Variants in EYA4 observed in about 807,000 individuals in gnomAD.
EYA4 encodes protein phosphatase EYA4.
EYA4 carries 31 observed loss-of-function variants against 87.9 expected under a neutral mutation model. That is an observed-to-expected ratio of 0.35 (90% CI 0.27 to 0.48). The LOEUF (loss-of-function observed/expected upper bound fraction) is 0.48. Among genes scored for constraint, EYA4 ranks in the 20% least tolerant of loss-of-function variants. EYA4 has a pLI of 0.99. For missense variants in EYA4, 678 were observed against 761.4 expected (o/e 0.89, Z 1.29); for synonymous variants, 263 against 270.6 (o/e 0.97, Z 0.28).
chr6:133,502,082 T>A (rs926852548), intron 13 of EYA4, among the ~76,000 whole-genome samples: 1 of 151,924 alleles, frequency 6.6e-6, no homozygotes, highest in Non-Finnish European at 1.5e-5. Flanking sequence ...ACTCTCTCTC[T>A]CTCTCTATTC....
intron 17 of EYA4, among the ~76,000 whole-genome samples, chr6:133,516,116 G>A (rs763167992): frequency 8.5e-5 from 13 of 152,104 alleles, no homozygotes; most frequent in African/African-American, 1.2e-4. Context: ...TGTACTGTCC[G>A]CTTCCATTAT....
intron 2 of EYA4, among the ~76,000 whole-genome samples, chr6:133,332,991 C>G (rs62428663): frequency 0.1 from 15,453 of 152,136 alleles, 979 homozygotes; most frequent in East Asian, 0.15. Flanking sequence ...GAAGCCTTCC[C>G]AGATTCCCAG....
Position 133,391,842 on chromosome 6 carries a change from C to T in EYA4, c.83+9401C>T, listed in dbSNP as rs370304325. Among the ~76,000 whole-genome samples, 9 of 152,222 alleles carry T rather than the reference C, an allele frequency of 5.9e-5. 1 individual carries two copies. The highest frequency in any genetic ancestry group is 3.9e-4 in the East Asian group (2 of 5,170). ...CTTCCCTTCCCAGGACATTTTTAAC[C>T]TGCCAGTTTTATCCAGCACCTACCC... On this transcript the variant is annotated intron_variant, in intron 3 of 19. Coordinates refer to ENST00000355286, the MANE Select transcript of EYA4 (RefSeq NM_004100.5).
At chr6:133,519,064 C>A (rs948346320) in intron 17 of EYA4, among the ~76,000 whole-genome samples, 1 of 151,516 alleles carries the variant, frequency 6.6e-6, no homozygotes, top group Non-Finnish European at 1.5e-5. Context: ...AAAATTGACA[C>A]CCTAACATCG....
intron 1 of EYA4, among the ~76,000 whole-genome samples, chr6:133,263,943 A>T (rs1775997638): frequency 6.6e-6 from 1 of 152,220 alleles, no homozygotes; most frequent in South Asian, 2.1e-4. Context: ...AAGTTTTGGC[A>T]GCTGCAATTT....
chr6:133,251,787 A>G (rs762248907), intron 1 of EYA4, among the ~76,000 whole-genome samples: 3 of 152,082 alleles, frequency 2.0e-5, no homozygotes, highest in Non-Finnish European at 4.4e-5. Context: ...CTTCTTGAGA[A>G]CCCATAACCT....
chr6:133,433,629 C>T (rs565347469), intron 3 of EYA4, among the ~76,000 whole-genome samples: 13 of 152,326 alleles, frequency 8.5e-5, no homozygotes, highest in Non-Finnish European at 1.5e-4. Context: ...GCTGGGATTA[C>T]AGGCGTGAGC....
chr6:133,382,452 A>G lies in EYA4; in HGVS notation c.83+11A>G. ...ATCTCAGAATTCCAGGTACAGTAAA[A>G]TAAAGACCAAGACTCCCCTAAGGAG... On this transcript the variant is annotated intron_variant, in intron 3 of 19. Transcript: ENST00000355286. 1 of 1,596,638 alleles carries G rather than the reference A, an allele frequency of 6.3e-7. No individual in the cohort carries two copies. The highest frequency in any genetic ancestry group is 8.6e-7 in the Non-Finnish European group (1 of 1,164,182).
At chr6:133,369,446 T>C (rs547241017) in intron 2 of EYA4, among the ~76,000 whole-genome samples, 20 of 152,282 alleles carry the variant, frequency 1.3e-4, no homozygotes, top group Non-Finnish European at 2.4e-4. Context: ...TATAATTGTG[T>C]TCATCCCTTC....
intron 5 of EYA4, among the ~76,000 whole-genome samples, chr6:133,454,874 A>C (rs537084991): frequency 4.8e-4 from 73 of 152,198 alleles, no homozygotes; most frequent in African/African-American, 1.7e-3. Flanking sequence ...TCATGAGCAT[A>C]AGCTATTTTC....
rs116179714 is a variant in EYA4, at chr6:133,455,831, A to C, written c.278-725A>C. On this transcript the variant is annotated intron_variant, in intron 5 of 19. Coordinates refer to ENST00000355286, the MANE Select transcript of EYA4 (RefSeq NM_004100.5). ...TCTCACGCCCCATCACCCTTGTTGC[A>C]TCTAATAATGATAATAATGTGTACT... 7.5e-3 allele frequency among the ~76,000 whole-genome samples: 1,146 copies of C among 152,270 alleles called. 22 individuals carry two copies. Among genetic ancestry groups the C allele is most frequent in the African/African-American group, 0.026 (1,095 of 41,556 alleles).
At chr6:133,294,374 G>GTT (rs1404852396) in intron 2 of EYA4, among the ~76,000 whole-genome samples, 3 of 129,022 alleles carry the variant, frequency 2.3e-5, no homozygotes, top group African/African-American at 2.9e-5. Flanking sequence ...TGTTTTTTTT[G>GTT]TTTTTTTTTT....
chr6:133,343,448 C>T (rs1782948285), intron 2 of EYA4, among the ~76,000 whole-genome samples: 1 of 152,112 alleles, frequency 6.6e-6, no homozygotes, highest in Non-Finnish European at 1.5e-5. Context: ...AACTCAGCTT[C>T]ACCTGCTATC....
At chr6:133,355,638 C>G (rs554370519) in intron 2 of EYA4, among the ~76,000 whole-genome samples, 1 of 152,084 alleles carries the variant, frequency 6.6e-6, no homozygotes, top group Non-Finnish European at 1.5e-5. Flanking sequence ...ATGGCTTGTC[C>G]TCATTGATTG....
intron 2 of EYA4, among the ~76,000 whole-genome samples, chr6:133,372,573 C>T (rs1583091850): frequency 1.3e-5 from 2 of 150,786 alleles, no homozygotes; most frequent in South Asian, 2.1e-4. Flanking sequence ...GCTATAAATA[C>T]ATTTTTTTTT....
chr6:133,355,988 C>G (rs551485817), intron 2 of EYA4, among the ~76,000 whole-genome samples: 96 of 150,782 alleles, frequency 6.4e-4, no homozygotes, highest in South Asian at 2.1e-4. Context: ...TGATCAATTT[C>G]TGGTGAGGGC....
intron 1 of EYA4, among the ~76,000 whole-genome samples, chr6:133,255,684 A>G (rs886430061): frequency 6.6e-6 from 1 of 152,058 alleles, no homozygotes; most frequent in African/African-American, 2.4e-5. Flanking sequence ...TAACTCCAAT[A>G]GGATCATTGA....
intron 3 of EYA4, among the ~76,000 whole-genome samples, chr6:133,417,081 G>A (rs1380067854): frequency 6.6e-6 from 1 of 152,152 alleles, no homozygotes; most frequent in Non-Finnish European, 1.5e-5. Context: ...TTGCAATGAT[G>A]TTTTTGATGT....
rs555273014 is a variant in EYA4 at position 133,267,619 on chromosome 6, G to A, written c.-65-7097G>A. Reference sequence around the variant, plus strand: ...GCTGGTCTCGAACTCCTGACCTCAGGTGATCCGCCCACCTCGGCCTCCCAA... The same window carrying A: ...GCTGGTCTCGAACTCCTGACCTCAGATGATCCGCCCACCTCGGCCTCCCAA... On this transcript the variant is annotated intron_variant, in intron 1 of 19. Coordinates refer to ENST00000355286, the MANE Select transcript of EYA4 (RefSeq NM_004100.5). Among the ~76,000 whole-genome samples the A allele has an allele frequency of 4.7e-4, 72 of 152,252 alleles. 1 individual carries two copies. Among genetic ancestry groups the A allele is most frequent in the African/African-American group, 1.6e-3 (67 of 41,544 alleles).
Sources: gnomAD v4.1 joint callset for allele counts (sites outside exome capture counted in the v4.1 genomes callset) on GRCh38, gnomAD v4.1.1 for gene constraint, MANE v1.5 for transcripts, NCBI Gene and HGNC (gene_info 2026-07-23, HGNC 2026-07-21) for gene names.